Variants in IL6R observed in about 807,000 individuals in gnomAD.
IL6R encodes interleukin 6 receptor.
IL6R carries 38 observed loss-of-function variants against 48.3 expected under a neutral mutation model. The ratio of observed to expected loss-of-function variants is 0.79; its 90% CI spans 0.61 to 1.03. IL6R has a LOEUF of 1.03. Among genes scored for constraint, IL6R ranks in the 50% least tolerant of loss-of-function variants. IL6R has a pLI of 0.00. For missense variants in IL6R, 534 were observed against 618.3 expected, an observed-to-expected ratio of 0.86 and a Z score of 1.45; for synonymous variants, 264 against 256.2, an observed-to-expected ratio of 1.03 and a Z score of -0.29.
At chr1:154,423,025 A>G (rs1434699449) in intron 1 of IL6R, among the ~76,000 whole-genome samples, 1 of 151,972 alleles carries the variant, frequency 6.6e-6, no homozygotes, top group Non-Finnish European at 1.5e-5. Context: ...TCAGGCCTAC[A>G]GGGGAGGGCT....
At chr1:154,430,805 C>T (rs1689256285) in intron 3 of IL6R, among the ~76,000 whole-genome samples, 199 bp downstream of exon 3, 1 of 152,196 alleles carries the variant, frequency 6.6e-6, no homozygotes, top group South Asian at 2.1e-4. Flanking sequence ...TGCTTGGAAC[C>T]TTGTCCTATT....
chr1:154,405,701 CTGCCCTGCGCAG>C lies in IL6R; in HGVS notation c.73_84del (p.Cys25_Gln28del). 6.6e-7 allele frequency: 1 copy of C among 1,518,706 alleles called. No homozygotes were observed. Among genetic ancestry groups the C allele is most frequent in the Non-Finnish European group, 8.8e-7 (1 of 1,140,502 alleles). 94.1% of individuals were successfully genotyped at this position (1,518,706 alleles called of 1,614,324 possible). On this transcript the variant is annotated inframe_deletion and splice_region_variant, in exon 1 of 10. Transcript: ENST00000368485. This position sits in a 1 kb window ranked among gnomAD's most constrained non-coding sequence, Gnocchi z 5.2. ...CGGGAGCGGCGCTGGCCCCAAGGCG[CTGCCCTGCGCAG>C]GGTAAGGGCTTCGGGCGCACCTGGA... is the stretch of plus-strand genomic sequence containing the variant.
chr1:154,450,413 C>T lies in IL6R; in HGVS notation c.1066+433C>T, dbSNP rs552762094. Among the ~76,000 whole-genome samples, 20 of 152,188 alleles carry T rather than the reference C, an allele frequency of 1.3e-4. No individual in the cohort carries two copies. The East Asian group carries it at 3.5e-3, about 26-fold the overall frequency. On this transcript the variant is annotated intron_variant, in intron 8 of 9. Transcript: ENST00000368485. ...TGCTGACATTACAGGCATGAGCCACCGTGCCTGGCCAGAAATGTTCTTTTA... is the reference window on the plus strand; with the variant it reads ...TGCTGACATTACAGGCATGAGCCACTGTGCCTGGCCAGAAATGTTCTTTTA...
intron 8 of IL6R, 124 bp downstream of exon 8, chr1:154,450,104 C>CTGTGTGTA (rs1553310147): frequency 3.7e-5 from 18 of 480,934 alleles, no homozygotes; most frequent in African/African-American, 3.5e-4. Flanking sequence ...CAGAAATGTT[C>CTGTGTGTA]TGTGTGTGTG....
Position 154,405,745 on chromosome 1 carries a change from G to C in IL6R, c.85+31G>C. The C allele has an allele frequency of 5.0e-6, 7 of 1,411,000 alleles. No homozygotes were observed. The highest frequency in any genetic ancestry group is 6.4e-6 in the Non-Finnish European group (7 of 1,085,334). 87.4% of individuals were successfully genotyped at this position (1,411,000 alleles called of 1,614,324 possible). ...GGCTTCGGGCGCACCTGGAGGGCTGGGGCAGCTAGCGGCTGGGGGAAACCG... is the reference window on the plus strand; with the variant it reads ...GGCTTCGGGCGCACCTGGAGGGCTGCGGCAGCTAGCGGCTGGGGGAAACCG... On this transcript the variant is annotated intron_variant, in intron 1 of 9. Transcript: ENST00000368485. The surrounding 1 kb of genome is among the most constrained non-coding windows in gnomAD (Gnocchi z 5.2).
At position 154,454,582 on chromosome 1, in the gene IL6R, G is replaced by A. The variant is rs1276671575; in HGVS notation, c.1160+1G>A. 1 of 1,604,526 alleles carries A rather than the reference G, an allele frequency of 6.2e-7. No homozygotes were observed. The highest frequency in any genetic ancestry group is 1.7e-5 in the Admixed American group (1 of 59,996). On this transcript the variant is annotated splice_donor_variant, in intron 9 of 9. Coordinates refer to ENST00000368485, the MANE Select transcript of IL6R (RefSeq NM_000565.4). LOFTEE classifies it high-confidence loss of function. ...TCCTCTGCATTGCCATTGTTCTGAG[G>A]TGAGATGGGTCCCAGGGGATGGCCC...
intron 1 of IL6R, chr1:154,414,659 C>T (rs1287065174): frequency 1.3e-5 from 11 of 849,678 alleles, no homozygotes; most frequent in Non-Finnish European, 2.2e-5. Flanking sequence ...TAGCTCTTGG[C>T]GAGGATGTTA....
chr1:154,452,929 G>A (rs1371125546), intron 8 of IL6R, among the ~76,000 whole-genome samples: 1 of 152,176 alleles, frequency 6.6e-6, no homozygotes, highest in African/African-American at 2.4e-5. Context: ...ATATGGCCAG[G>A]CGCCGTGGCT....
intron 8 of IL6R, among the ~76,000 whole-genome samples, 160 bp downstream of exon 8, chr1:154,450,140 G>GTT (rs1296666857): frequency 1.6e-4 from 25 of 151,624 alleles, no homozygotes; most frequent in South Asian, 8.3e-4. Context: ...GTGTGTGTGT[G>GTT]TGTTGGAGAG....
Position 154,429,080 on chromosome 1 carries a change from G to T in IL6R, c.86-116G>T, listed in dbSNP as rs28730665. On this transcript the variant is annotated intron_variant, in intron 1 of 9. Coordinates refer to ENST00000368485, the MANE Select transcript of IL6R (RefSeq NM_000565.4). The stretch of plus-strand genomic sequence containing the variant: ...CTGCCCTAATCCAGGCAGAGGTGAC[G>T]GTAGCCTGGGCCACTTCATCATTAT... The T allele has an allele frequency of 4.5e-3, 5,318 of 1,179,472 alleles. 180 individuals carry two copies. In the African/African-American group the frequency reaches 0.07, roughly 15 times the overall value. The allele number at this position is 1,179,472 out of a possible 1,614,324, so 73.1% of individuals were successfully genotyped here. A position where few individuals can be genotyped will look rare whatever the true frequency, so the allele number is the denominator to read the frequency against.
chr1:154,439,099 T>C (rs1689793151), intron 6 of IL6R, among the ~76,000 whole-genome samples: 1 of 152,042 alleles, frequency 6.6e-6, no homozygotes, highest in Non-Finnish European at 1.5e-5. Flanking sequence ...GGGGCCTTTT[T>C]AAGGGGGGAA....
chr1:154,448,981 T>C (rs1403004750), intron 7 of IL6R, among the ~76,000 whole-genome samples: 2 of 144,828 alleles, frequency 1.4e-5, no homozygotes, highest in African/African-American at 5.1e-5. Context: ...GCAAGCTCCG[T>C]TTCCCGGGTT....
At chr1:154,422,189 G>A (rs528190000) in intron 1 of IL6R, among the ~76,000 whole-genome samples, 9 of 150,488 alleles carry the variant, frequency 6.0e-5, no homozygotes, top group Non-Finnish European at 7.4e-5. Context: ...TGATCTGCCC[G>A]CCTCGGCCTC....
intron 4 of IL6R, 129 bp from the exon 5 acceptor site, chr1:154,434,861 C>A: frequency 8.3e-7 from 1 of 1,204,616 alleles, no homozygotes; most frequent in Non-Finnish European, 1.2e-6. Context: ...ATAAAGCAGG[C>A]CCTTGTGGAG....
At chr1:154,429,145 C>A (rs376202798) in intron 1 of IL6R, 51 bp from the exon 2 acceptor site, 3 of 1,576,642 alleles carry the variant, frequency 1.9e-6, no homozygotes, top group Non-Finnish European at 2.6e-6. Context: ...CAGAACGAAG[C>A]CCCCTTCTTC....
In IL6R at chr1:154,468,262, G is replaced by C. The variant is rs964175265; in HGVS notation, c.*2882G>C. ...CTCAATGCACGGGGCATTTCTACCT[G>C]TGTTTCTGCAGCACCCCCACTGCCT... is the stretch of plus-strand genomic sequence containing the variant. On this transcript the variant is annotated 3_prime_UTR_variant, in exon 10 of 10. Transcript: ENST00000368485. 3 of 152,188 alleles carry C rather than the reference G, an allele frequency of 2.0e-5. No individual in the cohort carries two copies. The highest frequency in any genetic ancestry group is 7.2e-5 in the African/African-American group (3 of 41,424). The allele number at this position is 152,188 out of a possible 1,614,324, so 9.4% of individuals were successfully genotyped here. A position where few individuals can be genotyped will look rare whatever the true frequency, so the allele number is the denominator to read the frequency against.
intron 2 of IL6R, 136 bp downstream of exon 2, chr1:154,429,580 G>A: frequency 9.7e-7 from 1 of 1,028,616 alleles, no homozygotes; most frequent in Admixed American, 2.7e-5. Flanking sequence ...GCCCACCAAT[G>A]TCTGCCATCC....
chr1:154,429,582 C>T, intron 2 of IL6R, 138 bp downstream of exon 2: 2 of 1,012,972 alleles, frequency 2.0e-6, no homozygotes, highest in Non-Finnish European at 2.8e-6. Flanking sequence ...CCACCAATGT[C>T]TGCCATCCAG....
rs1230551409 is a variant in IL6R, at chr1:154,447,476, TACAC to T, written c.950-625_950-622del. ...AAAAATATATATATATATATATATA[TACAC>T]ACACACACACACACACACACACATA... On this transcript the variant is annotated intron_variant, in intron 6 of 9. Transcript: ENST00000368485. Among the ~76,000 whole-genome samples, 20 of 68,834 alleles carry T rather than the reference TACAC, an allele frequency of 2.9e-4. 1 individual carries two copies. The highest frequency in any genetic ancestry group is 4.7e-4 in the South Asian group (1 of 2,120). 45.2% of individuals were successfully genotyped at this position (68,834 alleles called of 152,430 possible).
Sources: allele counts gnomAD v4.1 joint callset (sites outside exome capture counted in the v4.1 genomes callset), GRCh38; gene constraint gnomAD v4.1.1; non-coding constraint Gnocchi (gnomAD v3.1); transcripts MANE v1.5; gene names NCBI Gene and HGNC (gene_info 2026-07-23, HGNC 2026-07-21).